ATP8B4: variants seen among roughly 807,000 people sequenced by gnomAD.
ATP8B4 encodes probable phospholipid-transporting ATPase IM.
A neutral mutation model predicts 145.6 loss-of-function variants in ATP8B4; 133 were observed. That is an observed-to-expected ratio of 0.91 (90% CI 0.79 to 1.05). The LOEUF is 1.05. Among genes scored for constraint, ATP8B4 ranks in the 50% least tolerant of loss-of-function variants. The probability of loss-of-function intolerance (pLI) is 0.00; values close to 1 mark genes in which losing one functional copy is unlikely to be tolerated. For missense variants in ATP8B4, 1,458 were observed against 1,425.2 expected (o/e 1.02, Z -0.37); for synonymous variants, 507 against 492.9 (o/e 1.03, Z -0.38).
At chr15:50,085,928 CATATATATTTATATATGATATATATCAT>C (rs1325720302) in intron 2 of ATP8B4, among the ~76,000 whole-genome samples, 1 of 50,444 alleles carries the variant, frequency 2.0e-5, no homozygotes, top group Non-Finnish European at 4.4e-5. Context: ...TGATATATAT[CATATATATTTATATATGATATATATCAT>C]ATATATTTAT....
At chr15:50,176,063 GTATA>G (rs141894277) in intron 1 of ATP8B4, among the ~76,000 whole-genome samples, 3 of 147,170 alleles carry the variant, frequency 2.0e-5, no homozygotes, top group Non-Finnish European at 3.0e-5. Flanking sequence ...ATACCGCAGA[GTATA>G]TATATATATA....
At chr15:50,125,184 T>G (rs1182031224) in intron 1 of ATP8B4, among the ~76,000 whole-genome samples, 1 of 152,190 alleles carries the variant, frequency 6.6e-6, no homozygotes, top group Non-Finnish European at 1.5e-5. Flanking sequence ...GAACCCGATC[T>G]GGATCAGTTT....
intron 1 of ATP8B4, among the ~76,000 whole-genome samples, chr15:50,161,875 C>A (rs1270950495): frequency 6.6e-6 from 1 of 152,100 alleles, no homozygotes; most frequent in African/African-American, 2.4e-5. Context: ...CAGATGATTT[C>A]TTAATCATTT....
chr15:49,921,218 T>G (rs2040228084), intron 17 of ATP8B4, among the ~76,000 whole-genome samples: 1 of 152,202 alleles, frequency 6.6e-6, no homozygotes, highest in Admixed American at 6.5e-5. Flanking sequence ...TTTGCTGTAT[T>G]AAAGTTTTAT....
intron 13 of ATP8B4, among the ~76,000 whole-genome samples, chr15:49,966,120 A>T (rs62020969): frequency 0.22 from 33,400 of 152,164 alleles, 4,833 homozygotes; most frequent in Non-Finnish European, 0.31. Flanking sequence ...GGTCTTCACA[A>T]CCCGCAGAGC....
At chr15:50,080,803 A>C (rs986296286) in intron 2 of ATP8B4, among the ~76,000 whole-genome samples, 1 of 152,098 alleles carries the variant, frequency 6.6e-6, no homozygotes, top group Non-Finnish European at 1.5e-5. Flanking sequence ...GACCCATAAA[A>C]ATGAGAGTTT....
intron 20 of ATP8B4, chr15:49,908,011 C>T (rs567945450): frequency 8.8e-6 from 4 of 455,914 alleles, no homozygotes; most frequent in African/African-American, 8.0e-5. Context: ...CACATCCCAC[C>T]TGAACCACGG....
chr15:49,901,817 A>G, intron 20 of ATP8B4: 1 of 425,730 alleles, frequency 2.3e-6, no homozygotes, highest in Non-Finnish European at 4.6e-6. Flanking sequence ...AATAGGATAG[A>G]ACATTTTAAG....
intron 2 of ATP8B4, among the ~76,000 whole-genome samples, chr15:50,084,826 T>C (rs867664819): frequency 3.0e-4 from 45 of 152,236 alleles, no homozygotes; most frequent in African/African-American, 8.9e-4. Context: ...TCTCATTCTC[T>C]GCCCTTGACC....
intron 8 of ATP8B4, among the ~76,000 whole-genome samples, chr15:50,000,076 A>T (rs2047763018): frequency 6.6e-6 from 1 of 152,132 alleles, no homozygotes. Flanking sequence ...TGGATGTACC[A>T]CAATTTATTC....
rs562711147 is a variant in ATP8B4 at position 50,063,363 on chromosome 15, T to TA, written c.87+10763dup. On this transcript the variant is annotated intron_variant, in intron 3 of 27. Transcript: ENST00000284509. ...CCCATTAGAATCACTAGGGGAGCTT[T>TA]AAAAAAAAAAATGCCTGGACTCCAC... Among the ~76,000 whole-genome samples, 158 of 147,466 alleles carry TA rather than the reference T, an allele frequency of 1.1e-3. 1 individual carries two copies. The South Asian group carries it at 0.015, about 14-fold the overall frequency.
chr15:49,885,160 C>T lies in ATP8B4; in HGVS notation c.2698-5701G>A, dbSNP rs2036030268. ...CAACTTCACCTCACAACATTCTCAC[C>T]CTCCCTCACCTAGCTGAGGCTTCGC... On this transcript the variant is annotated intron_variant, in intron 23 of 27. Transcript: ENST00000284509. Among the ~76,000 whole-genome samples, 3 of 152,184 alleles carry T rather than the reference C, an allele frequency of 2.0e-5. No individual in the cohort carries two copies. In the South Asian group the frequency reaches 6.2e-4, roughly 31 times the overall value.
At chr15:49,876,643 T>C in intron 24 of ATP8B4, 120 bp from the exon 25 acceptor site, 1 of 1,346,922 alleles carries the variant, frequency 7.4e-7, no homozygotes, top group Non-Finnish European at 1.0e-6. Flanking sequence ...CACTACTCAC[T>C]GGGCCAGAAC....
At chr15:50,153,924 A>AAG (rs1202468334) in intron 1 of ATP8B4, among the ~76,000 whole-genome samples, 2 of 152,244 alleles carry the variant, frequency 1.3e-5, no homozygotes, top group African/African-American at 4.8e-5. Flanking sequence ...AATTTTTACT[A>AAG]AGAGAAGATC....
At chr15:50,025,741 T>C (rs2049959169) in intron 6 of ATP8B4, among the ~76,000 whole-genome samples, 2 of 152,224 alleles carry the variant, frequency 1.3e-5, no homozygotes, top group South Asian at 4.1e-4. Flanking sequence ...TCTACTTCCC[T>C]GACCAGACAC....
intron 18 of ATP8B4, among the ~76,000 whole-genome samples, chr15:49,919,671 C>T (rs2040078665): frequency 6.6e-6 from 1 of 152,160 alleles, no homozygotes; most frequent in African/African-American, 2.4e-5. Context: ...CCCACCTCGG[C>T]CTCCTGAAGT....
At chr15:49,916,240 G>A (rs1427401650) in intron 20 of ATP8B4, among the ~76,000 whole-genome samples, 1 of 151,990 alleles carries the variant, frequency 6.6e-6, no homozygotes, top group African/African-American at 2.4e-5. Flanking sequence ...GAAATAAATT[G>A]GTACATCTTA....
intron 2 of ATP8B4, among the ~76,000 whole-genome samples, chr15:50,094,682 GTA>G (rs1452393043): frequency 3.7e-5 from 5 of 134,338 alleles, no homozygotes; most frequent in Non-Finnish European, 8.0e-5. Context: ...ATATATATTT[GTA>G]TATATGTGTG....
chr15:50,012,169 T>C (rs1392372291), intron 6 of ATP8B4, among the ~76,000 whole-genome samples: 1 of 152,192 alleles, frequency 6.6e-6, no homozygotes, highest in Non-Finnish European at 1.5e-5. Context: ...CTAGGAAGCC[T>C]TCTAAATCTC....
Sources: allele counts gnomAD v4.1 joint callset (sites outside exome capture counted in the v4.1 genomes callset), GRCh38; gene constraint gnomAD v4.1.1; transcripts MANE v1.5; gene names NCBI Gene and HGNC (gene_info 2026-07-23, HGNC 2026-07-21).